The following ALDH8A1 variants were observed in gnomAD, a reference collection of about 807,000 sequenced individuals.
The protein encoded by ALDH8A1 is 2-aminomuconic semialdehyde dehydrogenase.
A neutral mutation model predicts 43.3 loss-of-function variants in ALDH8A1; 39 were observed. That is an observed-to-expected ratio of 0.90 (90% CI 0.70 to 1.18). ALDH8A1 has a LOEUF of 1.18. Among genes scored for constraint, ALDH8A1 ranks in the 50% most tolerant of loss-of-function variants. The pLI is 0.00. For missense variants in ALDH8A1, 605 were observed against 622.6 expected (o/e 0.97, Z 0.30); for synonymous variants, 233 against 243.5 (o/e 0.96, Z 0.40).
intron 4 of ALDH8A1, among the ~76,000 whole-genome samples, chr6:134,935,443 G>C (rs547507516): frequency 6.6e-6 from 1 of 152,360 alleles, no homozygotes; most frequent in African/African-American, 2.4e-5. Flanking sequence ...TGAATGCTTA[G>C]TGTACGTTAT....
chr6:134,949,147 A>G (rs1480962090), intron 1 of ALDH8A1, among the ~76,000 whole-genome samples: 4 of 152,228 alleles, frequency 2.6e-5, no homozygotes, highest in Non-Finnish European at 2.9e-5. Context: ...TGCCTTAAAA[A>G]GAATAAATTA....
At chr6:134,933,384 G>C (rs1773662815) in intron 4 of ALDH8A1, among the ~76,000 whole-genome samples, 1 of 152,178 alleles carries the variant, frequency 6.6e-6, no homozygotes, top group South Asian at 2.1e-4. Flanking sequence ...CCCACTAGGG[G>C]AGCAGCACCC....
In ALDH8A1 at chr6:134,943,989, A is replaced by G. The variant is rs528883712; in HGVS notation, c.139-23T>C. The G allele has an allele frequency of 1.2e-5, 19 of 1,610,508 alleles. No homozygotes were observed. In the East Asian group the frequency reaches 3.6e-4, roughly 30 times the overall value. ...GATCTTTGAGGAGCAAATGGGAGAAAGGGTCACCTTAAAGCTGTTAGTCCT... is the reference window on the plus strand; with the variant it reads ...GATCTTTGAGGAGCAAATGGGAGAAGGGGTCACCTTAAAGCTGTTAGTCCT... On this transcript the variant is annotated intron_variant, in intron 1 of 6. Coordinates refer to ENST00000265605, the MANE Select transcript of ALDH8A1 (RefSeq NM_022568.4).
intron 6 of ALDH8A1, among the ~76,000 whole-genome samples, chr6:134,921,083 T>C (rs1284488688): frequency 6.6e-6 from 1 of 152,236 alleles, no homozygotes; most frequent in East Asian, 1.9e-4. Flanking sequence ...TTTTTGACTG[T>C]CAGCCTCTGT....
intron 5 of ALDH8A1, among the ~76,000 whole-genome samples, chr6:134,932,310 G>A (rs987918930): frequency 5.3e-5 from 8 of 152,124 alleles, no homozygotes; most frequent in African/African-American, 1.2e-4. Context: ...ATGAATCCAC[G>A]CCAAGAAATC....
At position 134,918,442 on chromosome 6, in the gene ALDH8A1, C is replaced by A; in HGVS notation, c.1437G>T (p.Glu479Asp). The change falls in exon 7 of 7, where the codon GAG becomes GAT. Residue 479 changes from glutamate (E) to aspartate (D), a missense_variant. Glu to Asp is a conservative substitution (Grantham distance 45). Coordinates refer to ENST00000265605, the MANE Select transcript of ALDH8A1 (RefSeq NM_022568.4). ...AGTGTTTAACGGTGATGGTTTTGAT[C>A]TCAGTGAAGAAGTCGTAAGAGTCCT... ...GAKDSYDFFTEIKTITVKH is the reference protein window; with the variant it reads ...GAKDSYDFFTDIKTITVKH The A allele has an allele frequency of 6.2e-7, 1 of 1,614,154 alleles. No homozygotes were observed. Among genetic ancestry groups the A allele is most frequent in the African/African-American group, 1.3e-5 (1 of 75,040 alleles).
intron 4 of ALDH8A1, 137 bp from the exon 5 acceptor site, chr6:134,933,169 C>T (rs12527798): frequency 1.0e-6 from 1 of 981,844 alleles, no homozygotes. Context: ...TTTTACAACA[C>T]TTGGAACTTC....
intron 3 of ALDH8A1, 177 bp downstream of exon 3, chr6:134,942,232 G>T: frequency 1.2e-6 from 1 of 820,594 alleles, no homozygotes; most frequent in Non-Finnish European, 1.7e-6. Flanking sequence ...AAGAAAAGCA[G>T]GGAATTTGAC....
intron 1 of ALDH8A1, among the ~76,000 whole-genome samples, chr6:134,948,106 G>A (rs891618922): frequency 6.6e-6 from 1 of 152,104 alleles, no homozygotes; most frequent in Non-Finnish European, 1.5e-5. Context: ...GCACCAACAC[G>A]ATTTGAGCTG....
chr6:134,920,982 AAC>A (rs767509847), intron 6 of ALDH8A1, among the ~76,000 whole-genome samples: 1 of 152,178 alleles, frequency 6.6e-6, no homozygotes, highest in Non-Finnish European at 1.5e-5. Context: ...ACATAGAATT[AAC>A]ACAGTCACTA....
intron 5 of ALDH8A1, among the ~76,000 whole-genome samples, chr6:134,930,989 G>GA (rs1776976318): frequency 1.3e-5 from 2 of 152,164 alleles, no homozygotes; most frequent in African/African-American, 4.8e-5. Flanking sequence ...GTCACACAGA[G>GA]ATGCTTCAAA....
At chr6:134,929,266 T>G in intron 5 of ALDH8A1, 51 bp from the exon 6 acceptor site, 1 of 1,585,900 alleles carries the variant, frequency 6.3e-7, no homozygotes, top group Non-Finnish European at 8.6e-7. Context: ...CCTTCATGGA[T>G]AGAGCACCCT....
chr6:134,921,702 A>G (rs1277102512), intron 6 of ALDH8A1, among the ~76,000 whole-genome samples: 1 of 152,240 alleles, frequency 6.6e-6, no homozygotes, highest in Admixed American at 6.5e-5. Flanking sequence ...CACATGGCCA[A>G]TTTGATTTGG....
intron 4 of ALDH8A1, 117 bp downstream of exon 4, chr6:134,939,149 A>C: frequency 6.8e-7 from 1 of 1,463,492 alleles, no homozygotes; most frequent in East Asian, 2.3e-5. Flanking sequence ...GACAAGGATC[A>C]GAAAGACAAA....
Position 134,918,595 on chromosome 6 carries a change from C to T in ALDH8A1, c.1284G>A (p.Val428=), listed in dbSNP as rs766172769. ...TCTTAGCCACCCGGTGGACGCGCCC[C>T]ACATTGCTGGACCACACGGTAGCCG... ...GLAATVWSSN[V]GRVHRVAKKL... Residue 428 remains valine, a synonymous_variant, in exon 7 of 7, where the codon GTG becomes GTA. Coordinates refer to ENST00000265605, the MANE Select transcript of ALDH8A1 (RefSeq NM_022568.4). 2 of 1,614,100 alleles carry T rather than the reference C, an allele frequency of 1.2e-6. No individual in the cohort carries two copies. The highest frequency in any genetic ancestry group is 8.5e-7 in the Non-Finnish European group (1 of 1,180,028).
chr6:134,944,983 GAT>G (rs1236883344), intron 1 of ALDH8A1, among the ~76,000 whole-genome samples: 3 of 149,276 alleles, frequency 2.0e-5, no homozygotes, highest in African/African-American at 7.4e-5. Context: ...AATTAATCTA[GAT>G]ATGTGGAATC....
chr6:134,945,561 C>T (rs914697284), intron 1 of ALDH8A1, among the ~76,000 whole-genome samples: 2 of 152,152 alleles, frequency 1.3e-5, no homozygotes, highest in Non-Finnish European at 2.9e-5. Flanking sequence ...CTAAGTAATG[C>T]CTTCTCCAGA....
chr6:134,944,116 G>T, intron 1 of ALDH8A1, 150 bp from the exon 2 acceptor site: 3 of 1,110,544 alleles, frequency 2.7e-6, no homozygotes, highest in Non-Finnish European at 3.6e-6. Flanking sequence ...AGCCCAGCCT[G>T]GAGGGCAGTG....
chr6:134,937,965 C>T (rs1379063233), intron 4 of ALDH8A1, among the ~76,000 whole-genome samples: 3 of 152,172 alleles, frequency 2.0e-5, no homozygotes, highest in African/African-American at 7.2e-5. Context: ...GGCCCAGTGC[C>T]GTTCCCTAAA....
Sources: allele counts gnomAD v4.1 joint callset (sites outside exome capture counted in the v4.1 genomes callset), GRCh38; gene constraint gnomAD v4.1.1; transcripts MANE v1.5; gene names NCBI Gene and HGNC (gene_info 2026-07-23, HGNC 2026-07-21).